Variants in SGCZ observed in about 807,000 individuals in gnomAD.
The protein encoded by SGCZ is zeta-sarcoglycan.
Under a neutral mutation model 41.3 loss-of-function variants are expected in SGCZ, and 40 were observed. The ratio of observed to expected loss-of-function variants is 0.97; its 90% CI spans 0.75 to 1.26. The LOEUF (loss-of-function observed/expected upper bound fraction) is 1.26, where lower values mean the gene tolerates loss of function less well. Ranked by LOEUF, SGCZ falls within the 50% of genes most tolerant of loss-of-function variation. The pLI, the probability that SGCZ is intolerant of heterozygous loss-of-function variation, is 0.00. For synonymous variants in SGCZ, 206 were observed against 137.5 expected (o/e 1.50, Z -3.49); for missense variants, 552 against 369.8 (o/e 1.49, Z -4.04).
At chr8:14,784,360 A>G (rs996613165) in intron 1 of SGCZ, among the ~76,000 whole-genome samples, 2 of 151,724 alleles carry the variant, frequency 1.3e-5, no homozygotes, top group Admixed American at 1.3e-4. Context: ...CCCCTTTTCA[A>G]TTATGTATAT....
chr8:14,925,363 A>C (rs1484941991), intron 1 of SGCZ, among the ~76,000 whole-genome samples: 1 of 152,156 alleles, frequency 6.6e-6, no homozygotes, highest in Non-Finnish European at 1.5e-5. Flanking sequence ...ATTGCATTGT[A>C]CTCACAGCAT....
Position 14,324,177 on chromosome 8 carries a change from T to G in SGCZ, c.262A>C (p.Lys88Gln). 1 of 1,612,984 alleles carries G rather than the reference T, an allele frequency of 6.2e-7. No homozygotes were observed. The highest frequency in any genetic ancestry group is 1.1e-5 in the South Asian group (1 of 91,052). Reference sequence around the variant, plus strand: ...ATACCTTCAAGTCGGATTCCCTTCTTGGTGACTCTCAGATTTCCCATACCA... The same window carrying G: ...ATACCTTCAAGTCGGATTCCCTTCTGGGTGACTCTCAGATTTCCCATACCA... ...VDGMGNLRVT[K>Q]KGIRLEGISE... Residue 88 changes from lysine to glutamine, a missense_variant, in exon 3 of 8, where the codon AAG (lysine) becomes CAG (glutamine). Lys to Gln is a moderately conservative substitution (Grantham distance 53, BLOSUM62 1). Transcript: ENST00000382080.
intron 1 of SGCZ, among the ~76,000 whole-genome samples, chr8:14,586,950 A>G (rs1170512495): frequency 6.6e-6 from 1 of 152,168 alleles, no homozygotes; most frequent in Non-Finnish European, 1.5e-5. Flanking sequence ...TCATGTCATC[A>G]TATAGAACAA....
chr8:14,537,707 A>C (rs1803338473), intron 2 of SGCZ, among the ~76,000 whole-genome samples: 1 of 151,910 alleles, frequency 6.6e-6, no homozygotes, highest in Non-Finnish European at 1.5e-5. Flanking sequence ...GAGCTTTATC[A>C]TGCTCAACTG....
chr8:14,903,668 G>A (rs934804543), intron 1 of SGCZ, among the ~76,000 whole-genome samples: 28 of 152,122 alleles, frequency 1.8e-4, no homozygotes, highest in African/African-American at 5.3e-4. Flanking sequence ...TTGAAAGAAC[G>A]TCTTATGTAT....
At chr8:14,972,541 CTTG>C (rs1801335835) in intron 1 of SGCZ, among the ~76,000 whole-genome samples, 1 of 152,082 alleles carries the variant, frequency 6.6e-6, no homozygotes, top group South Asian at 2.1e-4. Flanking sequence ...AATCTATCAT[CTTG>C]TTGTTTGTTT....
chr8:14,472,248 T>A (rs1250616176), intron 2 of SGCZ, among the ~76,000 whole-genome samples: 1 of 152,114 alleles, frequency 6.6e-6, no homozygotes, highest in African/African-American at 2.4e-5. Flanking sequence ...ACATGAATCT[T>A]GTTTAATATC....
At chr8:14,113,307 G>C (rs1802428987) in intron 5 of SGCZ, among the ~76,000 whole-genome samples, 1 of 152,052 alleles carries the variant, frequency 6.6e-6, no homozygotes, top group Non-Finnish European at 1.5e-5. Context: ...GGCATATGCA[G>C]ATTTCTTCAT....
chr8:14,834,120 C>A (rs1011407428), intron 1 of SGCZ, among the ~76,000 whole-genome samples: 1 of 151,638 alleles, frequency 6.6e-6, no homozygotes, highest in African/African-American at 2.4e-5. Context: ...ATTTTTTTTT[C>A]ATGATCCGTG....
intron 1 of SGCZ, among the ~76,000 whole-genome samples, chr8:15,096,470 T>C (rs1806350075): frequency 6.6e-6 from 1 of 152,138 alleles, no homozygotes; most frequent in Non-Finnish European, 1.5e-5. Context: ...ACTTGTGAGA[T>C]GAAAAGGAGG....
intron 2 of SGCZ, among the ~76,000 whole-genome samples, chr8:14,413,821 G>T (rs1336318911): frequency 6.6e-6 from 1 of 151,886 alleles, no homozygotes; most frequent in Admixed American, 6.6e-5. Flanking sequence ...ATATGGTTTA[G>T]ATAGAACATA....
chr8:14,370,804 A>G (rs1306000317), intron 2 of SGCZ, among the ~76,000 whole-genome samples: 1 of 151,944 alleles, frequency 6.6e-6, no homozygotes, highest in Non-Finnish European at 1.5e-5. Context: ...CACTACAATC[A>G]TTAATAAAAC....
intron 2 of SGCZ, among the ~76,000 whole-genome samples, chr8:14,346,542 A>G (rs1802896380): frequency 6.6e-6 from 1 of 152,066 alleles, no homozygotes; most frequent in Non-Finnish European, 1.5e-5. Flanking sequence ...TACATAGTGC[A>G]TTTTGTTAGA....
intron 3 of SGCZ, among the ~76,000 whole-genome samples, chr8:14,315,001 T>A (rs1801667092): frequency 6.6e-6 from 1 of 152,140 alleles, no homozygotes; most frequent in Admixed American, 6.6e-5. Flanking sequence ...TCTAATGCTG[T>A]CAGAAATAGT....
chr8:14,867,136 C>G (rs1387736528), intron 1 of SGCZ, among the ~76,000 whole-genome samples: 2 of 152,094 alleles, frequency 1.3e-5, no homozygotes, highest in Admixed American at 6.6e-5. Flanking sequence ...CTCCTTCGCT[C>G]ATTCTTTTCT....
chr8:15,001,465 C>G (rs796289212), intron 1 of SGCZ, among the ~76,000 whole-genome samples: 48 of 152,260 alleles, frequency 3.2e-4, no homozygotes, highest in African/African-American at 1.1e-3. Context: ...CATGGTGGCT[C>G]ACGCCCGCAA....
intron 4 of SGCZ, among the ~76,000 whole-genome samples, chr8:14,226,588 A>G (rs1324239086): frequency 1.3e-5 from 2 of 152,136 alleles, no homozygotes; most frequent in African/African-American, 4.8e-5. Context: ...AGCACAGTGC[A>G]TTCATCCATT....
At chr8:14,181,563 C>A (rs1804727750) in intron 4 of SGCZ, among the ~76,000 whole-genome samples, 1 of 152,166 alleles carries the variant, frequency 6.6e-6, no homozygotes, top group Non-Finnish European at 1.5e-5. Flanking sequence ...TTGTAATAAT[C>A]CCCATGTGAC....
At chr8:15,091,110 G>C (rs886293303) in intron 1 of SGCZ, among the ~76,000 whole-genome samples, 1 of 152,202 alleles carries the variant, frequency 6.6e-6, no homozygotes, top group African/African-American at 2.4e-5. Context: ...AACTGGTAGA[G>C]TAATCTTAAA....
Sources: allele counts gnomAD v4.1 joint callset (sites outside exome capture counted in the v4.1 genomes callset), GRCh38; gene constraint gnomAD v4.1.1; transcripts MANE v1.5; gene names NCBI Gene and HGNC (gene_info 2026-07-23, HGNC 2026-07-21).